The following MARCHF3 variants were observed in gnomAD, a reference collection of about 807,000 sequenced individuals.
The protein encoded by MARCHF3 is membrane associated ring-CH-type finger 3.
In MARCHF3, 13 loss-of-function variants were observed where a neutral mutation model predicts 24.2. The ratio of observed to expected loss-of-function variants is 0.54; its 90% CI spans 0.35 to 0.85. MARCHF3 has a LOEUF of 0.85. Among genes scored for constraint, MARCHF3 ranks in the 40% least tolerant of loss-of-function variants. The pLI is 0.01. For missense variants in MARCHF3, 276 were observed against 325.0 expected, an observed-to-expected ratio of 0.85 and a Z score of 1.16; for synonymous variants, 144 against 137.3, an observed-to-expected ratio of 1.05 and a Z score of -0.34.
chr5:126,987,049 G>C (rs1580709248), intron 1 of MARCHF3, among the ~76,000 whole-genome samples: 1 of 152,348 alleles, frequency 6.6e-6, no homozygotes, highest in South Asian at 2.1e-4. Context: ...GTGATGAACA[G>C]TTACAATCAT....
At chr5:126,879,014 G>GT in intron 3 of MARCHF3, among the ~76,000 whole-genome samples, 1 of 152,198 alleles carries the variant, frequency 6.6e-6, no homozygotes, top group South Asian at 2.1e-4. Context: ...GGAGCCTGGA[G>GT]TTTGAGTAGC....
rs115505142 is a variant in MARCHF3 at position 126,870,554 on chromosome 5, G to T, written c.*79C>A. On this transcript the variant is annotated 3_prime_UTR_variant, in exon 5 of 5. Coordinates refer to ENST00000308660, the MANE Select transcript of MARCHF3 (RefSeq NM_178450.5). ...CACAGGCTTAAGGAAGGGCTTGGGGGTCGCTCAGTGCATGACCCCAGTGCA... is the reference window on the plus strand; with the variant it reads ...CACAGGCTTAAGGAAGGGCTTGGGGTTCGCTCAGTGCATGACCCCAGTGCA... 3.5e-3 allele frequency: 4,785 copies of T among 1,360,504 alleles called. 129 individuals are homozygous for T. In the African/African-American group the frequency reaches 0.06, roughly 17 times the overall value. The allele number at this position is 1,360,504 out of a possible 1,614,324, so 84.3% of individuals were successfully genotyped here.
intron 1 of MARCHF3, among the ~76,000 whole-genome samples, chr5:127,016,701 C>T (rs1435387010): frequency 5.3e-5 from 8 of 152,116 alleles, no homozygotes; most frequent in South Asian, 2.1e-4. Flanking sequence ...GACAGTGTGG[C>T]GATTTCTCAA....
At chr5:126,975,889 CA>C (rs1422305445) in intron 1 of MARCHF3, among the ~76,000 whole-genome samples, 6 of 152,164 alleles carry the variant, frequency 3.9e-5, no homozygotes, top group African/African-American at 1.4e-4. Context: ...AACTAGAAAA[CA>C]GACCTCATTT....
At chr5:127,028,607 A>G (rs59722252) in intron 1 of MARCHF3, among the ~76,000 whole-genome samples, 1,712 of 143,274 alleles carry the variant, frequency 0.012, 27 homozygotes, top group African/African-American at 0.034. Context: ...TTAATGCATT[A>G]TTTTAACAAG....
Position 126,926,030 on chromosome 5 carries a change from C to T in MARCHF3, c.-56-7803G>A, listed in dbSNP as rs1319976399. On this transcript the variant is annotated intron_variant, in intron 1 of 4. Transcript: ENST00000308660. ...AAGGCTCCCAATTTGTTTTTGGGCT[C>T]ACACACATTTTTTTTAAAAATCAGC... 2.0e-5 allele frequency among the ~76,000 whole-genome samples: 3 copies of T among 152,196 alleles called. No homozygotes were observed. The East Asian group carries it at 5.8e-4, about 29-fold the overall frequency.
At chr5:127,020,252 TC>T (rs1238623063) in intron 1 of MARCHF3, among the ~76,000 whole-genome samples, 2 of 152,130 alleles carry the variant, frequency 1.3e-5, no homozygotes, top group African/African-American at 4.8e-5. Context: ...TCAATAGAGA[TC>T]ACATAGGAGT....
intron 1 of MARCHF3, among the ~76,000 whole-genome samples, chr5:126,952,187 C>A (rs1456468067): frequency 1.3e-5 from 2 of 152,086 alleles, no homozygotes; most frequent in African/African-American, 2.4e-5. Context: ...GTAATCTAGG[C>A]CCACTACCCT....
At chr5:126,878,503 G>T in intron 3 of MARCHF3, 109 bp from the exon 4 acceptor site, 2 of 1,075,972 alleles carry the variant, frequency 1.9e-6, no homozygotes. Flanking sequence ...CTTGGGAAAA[G>T]GCATTTCTGA....
At chr5:126,900,015 C>T (rs1190268415) in intron 3 of MARCHF3, among the ~76,000 whole-genome samples, 1 of 152,092 alleles carries the variant, frequency 6.6e-6, no homozygotes, top group Non-Finnish European at 1.5e-5. Flanking sequence ...CATTATAGTG[C>T]AGACTAGTTT....
rs1015674955 is a variant in MARCHF3, at chr5:126,869,244, T to G, written c.*1389A>C. On this transcript the variant is annotated 3_prime_UTR_variant, in exon 5 of 5. Transcript: ENST00000308660. ...GCTGGAGTGATACTCAGAATGTGGG[T>G]CATGTTCTAGAATTCCATATTTTAA... The G allele has an allele frequency of 6.6e-6, 1 of 152,166 alleles. No homozygotes were observed. The highest frequency in any genetic ancestry group is 2.4e-5 in the African/African-American group (1 of 41,434). 9.4% of individuals were successfully genotyped at this position (152,166 alleles called of 1,614,324 possible).
At chr5:127,009,981 T>C (rs1003559190) in intron 1 of MARCHF3, among the ~76,000 whole-genome samples, 10 of 152,206 alleles carry the variant, frequency 6.6e-5, no homozygotes, top group East Asian at 1.9e-4. Context: ...TGTGTTAACA[T>C]TGGAACAAGT....
intron 1 of MARCHF3, among the ~76,000 whole-genome samples, chr5:127,018,204 C>G (rs900520142): frequency 6.6e-6 from 1 of 152,088 alleles, no homozygotes; most frequent in African/African-American, 2.4e-5. Flanking sequence ...AACCCCATCT[C>G]TACTAAAAAT....
chr5:126,897,270 C>G (rs950648040), intron 3 of MARCHF3, among the ~76,000 whole-genome samples: 7 of 151,680 alleles, frequency 4.6e-5, no homozygotes, highest in African/African-American at 1.7e-4. Context: ...AACTCCCGAC[C>G]TCAGGTGATC....
intron 1 of MARCHF3, among the ~76,000 whole-genome samples, chr5:126,944,129 C>A (rs1468743198): frequency 2.0e-5 from 3 of 152,004 alleles, no homozygotes; most frequent in Admixed American, 6.6e-5. Flanking sequence ...TAATCTTAGC[C>A]ACTCATAATC....
intron 3 of MARCHF3, among the ~76,000 whole-genome samples, chr5:126,895,941 C>T (rs1338783557): frequency 6.6e-6 from 1 of 152,162 alleles, no homozygotes; most frequent in African/African-American, 2.4e-5. Flanking sequence ...TGATCTCAGA[C>T]TGCTGTGCTA....
At chr5:126,992,243 T>C (rs75285765) in intron 1 of MARCHF3, among the ~76,000 whole-genome samples, 3,100 of 151,970 alleles carry the variant, frequency 0.02, 74 homozygotes, top group South Asian at 0.12. Context: ...CAGGATACCA[T>C]ATTTATTAGT....
intron 2 of MARCHF3, 137 bp downstream of exon 2, chr5:126,917,846 CT>C (rs36120055): frequency 0.25 from 155,474 of 632,910 alleles, 583 homozygotes; most frequent in East Asian, 0.33. Flanking sequence ...CTCGTGTAGT[CT>C]TTTTTTTTTT....
At chr5:126,927,791 CTGTT>C (rs967383762) in intron 1 of MARCHF3, among the ~76,000 whole-genome samples, 8 of 152,056 alleles carry the variant, frequency 5.3e-5, no homozygotes, top group South Asian at 2.1e-4. Flanking sequence ...CTGTGTTGTT[CTGTT>C]TGTTTGTTTT....
Sources: gnomAD v4.1 joint callset for allele counts (sites outside exome capture counted in the v4.1 genomes callset) on GRCh38, gnomAD v4.1.1 for gene constraint, MANE v1.5 for transcripts, NCBI Gene and HGNC (gene_info 2026-07-23, HGNC 2026-07-21) for gene names.